Variants in TJAP1 observed in about 807,000 individuals in gnomAD.
TJAP1 encodes tight junction-associated protein 1.
TJAP1 carries 27 observed loss-of-function variants against 42.0 expected under a neutral mutation model. That is an observed-to-expected ratio of 0.64 (90% confidence interval 0.47 to 0.89). The LOEUF is 0.89. TJAP1 is among the 40% of genes least tolerant of loss of function. The pLI is 0.00. For synonymous variants in TJAP1, 257 were observed against 288.4 expected, an observed-to-expected ratio of 0.89 and a Z score of 1.10; for missense variants, 712 against 726.9, an observed-to-expected ratio of 0.98 and a Z score of 0.24.
chr6:43,502,230 C>G, intron 6 of TJAP1, 53 bp from the exon 7 acceptor site: 1 of 1,594,032 alleles, frequency 6.3e-7, no homozygotes, highest in Non-Finnish European at 8.6e-7. Flanking sequence ...CTGAACAGAG[C>G]CTGAAGAACA....
exon 11 of TJAP1, chr6:43,504,943 C>G: frequency 6.2e-7 from 1 of 1,614,170 alleles, no homozygotes; most frequent in Non-Finnish European, 8.5e-7. Context: ...GCGCCGGGCG[C>G]CCCTTGGCTG....
rs965880968 is a variant in TJAP1, at chr6:43,501,941, T to A, written c.290+254T>A. On this transcript the variant is annotated intron_variant, in intron 6 of 10. Coordinates refer to ENST00000372449, the Ensembl canonical transcript of TJAP1. ...CACACACACACACTCTCTCTCTCTCTCTCTCTCTCTCTCTCCTTTCATAGG... is the reference window on the plus strand; with the variant it reads ...CACACACACACACTCTCTCTCTCTCACTCTCTCTCTCTCTCCTTTCATAGG... Among the ~76,000 whole-genome samples the A allele has an allele frequency of 3.6e-4, 53 of 147,122 alleles. 1 individual carries two copies. The East Asian group carries it at 0.011, about 31-fold the overall frequency.
rs895741092 is a variant in TJAP1 at position 43,495,427 on chromosome 6, A to T, written c.-121-2454A>T. Among the ~76,000 whole-genome samples, 3 of 152,210 alleles carry T rather than the reference A, an allele frequency of 2.0e-5. No homozygotes were observed. Among genetic ancestry groups the T allele is most frequent in the Middle Eastern group, 3.4e-3 (1 of 294 alleles). Reference sequence around the variant, plus strand: ...GCACTCAGCAGATTTCAGAAGTTGGAGCTAGGGCCTGGGTGTTGGGCACAC... The same window carrying T: ...GCACTCAGCAGATTTCAGAAGTTGGTGCTAGGGCCTGGGTGTTGGGCACAC... On this transcript the variant is annotated intron_variant, in intron 2 of 10. Coordinates refer to ENST00000372449, the Ensembl canonical transcript of TJAP1. The surrounding 1 kb of genome is among the most constrained non-coding windows in gnomAD (Gnocchi z 4.6).
At position 43,488,059 on chromosome 6, in the gene TJAP1, C is replaced by T. The variant is rs542834033; in HGVS notation, c.-121-9822C>T. ...TAATTTTTTGTATTTTTAGTAGAGA[C>T]GGGGGTTTCACCATGTTGGCCAGGC... On this transcript the variant is annotated intron_variant, in intron 2 of 10. Coordinates refer to ENST00000372449, the Ensembl canonical transcript of TJAP1. Among the ~76,000 whole-genome samples, 115 of 152,036 alleles carry T rather than the reference C, an allele frequency of 7.6e-4. 1 individual carries two copies. The South Asian group carries it at 0.022, about 30-fold the overall frequency.
At chr6:43,501,422 T>G (rs1242585720) in intron 5 of TJAP1, 104 bp from the exon 6 acceptor site, 1 of 1,026,546 alleles carries the variant, frequency 9.7e-7, no homozygotes, top group East Asian at 2.4e-5. Context: ...CCTGTTTGCC[T>G]GTCCTCATGT....
chr6:43,486,265 A>G (rs764089336), intron 2 of TJAP1, among the ~76,000 whole-genome samples: 9 of 151,300 alleles, frequency 5.9e-5, no homozygotes, highest in African/African-American at 9.7e-5. Flanking sequence ...ATGCTCGGCC[A>G]GACGGTTTAT....
rs763896375 is a variant in TJAP1 at position 43,503,519 on chromosome 6, T to TTCACTAC, written c.495+14_495+20dup. 8.1e-6 allele frequency: 13 copies of TTCACTAC among 1,613,070 alleles called. No individual in the cohort carries two copies. Among genetic ancestry groups the TTCACTAC allele is most frequent in the Non-Finnish European group, 1.0e-5 (12 of 1,179,162 alleles). On this transcript the variant is annotated intron_variant, in intron 9 of 10. Coordinates refer to ENST00000372449, the Ensembl canonical transcript of TJAP1. The stretch of plus-strand genomic sequence containing the variant: ...CTGGAAGAGCTCAATGTATGTGCGC[T>TTCACTAC]TCACTACTCGGGCCTTCCTCACCTG...
In TJAP1 at chr6:43,505,455, C is replaced by G. The variant is rs1306807849; in HGVS notation, c.1274C>G (p.Pro425Arg). 2 of 1,613,380 alleles carry G rather than the reference C, an allele frequency of 1.2e-6. No individual in the cohort carries two copies. Among genetic ancestry groups the G allele is most frequent in the African/African-American group, 2.7e-5 (2 of 74,926 alleles). Residue 425 changes from proline to arginine, a missense_variant, in exon 11 of 11, where the codon CCT (proline) becomes CGT (arginine). Pro to Arg is a moderately radical substitution (Grantham distance 103). This residue lies in a region of TJAP1 where 549 missense variants were observed against 528.2 expected (regional missense o/e 1.04). Transcript: ENST00000372449. This position sits in a 1 kb window ranked among gnomAD's most constrained non-coding sequence, Gnocchi z 5.5. The stretch of plus-strand genomic sequence containing the variant: ...GCATTTGTGGACCGTACTCCACCAC[C>G]TGCTGCTGTGGCCCAGCGCACAGCC...
chr6:43,504,448 A>G (rs1582133772), intron 10 of TJAP1: 1 of 407,504 alleles, frequency 2.5e-6, no homozygotes, highest in Non-Finnish European at 4.5e-6. Flanking sequence ...CTACTGGTCT[A>G]TGCAGATTCT....
chr6:43,502,288 A>G (rs1791095638), exon 7 of TJAP1: 1 of 1,613,934 alleles, frequency 6.2e-7, no homozygotes, highest in Non-Finnish European at 8.5e-7. Flanking sequence ...TTCAGGCTGC[A>G]GAACAGCTAC....
intron 2 of TJAP1, among the ~76,000 whole-genome samples, chr6:43,488,837 T>C (rs1307392647): frequency 2.6e-5 from 4 of 152,186 alleles, no homozygotes; most frequent in African/African-American, 9.7e-5. Context: ...TTTGAGCTCT[T>C]GGGCTGTAGT....
chr6:43,494,921 G>A (rs1239502804), intron 2 of TJAP1, among the ~76,000 whole-genome samples: 1 of 152,238 alleles, frequency 6.6e-6, no homozygotes, highest in African/African-American at 2.4e-5. Context: ...TTTCTGGGAG[G>A]TGCCCTGGAG....
At chr6:43,489,088 A>G (rs1787222723) in intron 2 of TJAP1, among the ~76,000 whole-genome samples, 1 of 151,980 alleles carries the variant, frequency 6.6e-6, no homozygotes, top group Non-Finnish European at 1.5e-5. Context: ...GTGGGTGTGG[A>G]TATATGTGTT....
chr6:43,480,559 C>T (rs1785103448), intron 2 of TJAP1, among the ~76,000 whole-genome samples: 1 of 152,048 alleles, frequency 6.6e-6, no homozygotes, highest in Non-Finnish European at 1.5e-5. Flanking sequence ...GTTCTTGTCG[C>T]CCAGGCCGGA....
rs1050109324 is a variant in TJAP1, at chr6:43,492,465, A to G, written c.-121-5416A>G. ...AGAACCTCTGCCCAGTCCCCACCCT[A>G]TGAGCTGTTGGCTGCCTGCCTGCCA... is the stretch of plus-strand genomic sequence containing the variant. On this transcript the variant is annotated intron_variant, in intron 2 of 10. Transcript: ENST00000372449. This position sits in a 1 kb window ranked among gnomAD's most constrained non-coding sequence, Gnocchi z 4.2. Among the ~76,000 whole-genome samples, 5 of 152,126 alleles carry G rather than the reference A, an allele frequency of 3.3e-5. No homozygotes were observed. The highest frequency in any genetic ancestry group is 1.3e-4 in the Admixed American group (2 of 15,278).
At chr6:43,486,437 C>G (rs1283184014) in intron 2 of TJAP1, among the ~76,000 whole-genome samples, 2 of 149,380 alleles carry the variant, frequency 1.3e-5, no homozygotes, top group Admixed American at 6.7e-5. Flanking sequence ...CTCACTGCAA[C>G]CTCTGCCTCC....
chr6:43,505,041 C>A lies in TJAP1; in HGVS notation c.860C>A (p.Pro287His). ...GCCCCTGGCAGCCCCACCCCACAAC[C>A]CAATGGGGAGTGCCACTCTCTGGGT... is the stretch of plus-strand genomic sequence containing the variant. The change falls in exon 11 of 11, where the codon CCC becomes CAC. Residue 287 changes from proline (P) to histidine (H), a missense_variant. Physicochemically the swap from Pro to His is moderately conservative, Grantham distance 77. Around this residue, in one of 3 missense-constraint regions of TJAP1, gnomAD observed 549 missense variants for 528.2 expected, o/e 1.04. Coordinates refer to ENST00000372449, the Ensembl canonical transcript of TJAP1. The surrounding 1 kb of genome is among the most constrained non-coding windows in gnomAD (Gnocchi z 5.5). The A allele has an allele frequency of 6.2e-7, 1 of 1,614,064 alleles. No homozygotes were observed.
intron 2 of TJAP1, among the ~76,000 whole-genome samples, chr6:43,484,991 G>A (rs1786142055): frequency 6.6e-6 from 1 of 152,208 alleles, no homozygotes; most frequent in South Asian, 2.1e-4. Context: ...GCCTCCCAAA[G>A]TGCCAGGATT....
chr6:43,494,568 G>A (rs1030204974), intron 2 of TJAP1, among the ~76,000 whole-genome samples: 1 of 141,982 alleles, frequency 7.0e-6, no homozygotes, highest in Non-Finnish European at 1.5e-5. Flanking sequence ...CCAACATCCT[G>A]AGTCATCTGC....
Sources: allele counts gnomAD v4.1 joint callset (sites outside exome capture counted in the v4.1 genomes callset), GRCh38; gene constraint gnomAD v4.1.1; regional missense constraint gnomAD v4.1.1; non-coding constraint Gnocchi (gnomAD v3.1); transcripts MANE v1.5; gene names NCBI Gene and HGNC (gene_info 2026-07-23, HGNC 2026-07-21).